The following KSR2 variants were observed in gnomAD, a reference collection of about 807,000 sequenced individuals.
KSR2 encodes kinase suppressor of ras 2.
In KSR2, 25 loss-of-function variants were observed where a neutral mutation model predicts 107.8. The observed-to-expected ratio is 0.23, with a 90% confidence interval of 0.17 to 0.32. The LOEUF is 0.32. Ranked by LOEUF, KSR2 falls within the 10% of genes least tolerant of loss-of-function variation. The probability of loss-of-function intolerance (pLI) is 1.00; values close to 1 mark genes in which losing one functional copy is unlikely to be tolerated. For missense variants in KSR2, 887 were observed against 1,268.9 expected (o/e 0.70, Z 4.57); for synonymous variants, 480 against 507.0 (o/e 0.95, Z 0.71).
At chr12:117,822,816 G>C (rs1204711840) in intron 3 of KSR2, among the ~76,000 whole-genome samples, 1 of 152,144 alleles carries the variant, frequency 6.6e-6, no homozygotes, top group African/African-American at 2.4e-5. Context: ...TTGTCTCCTG[G>C]ATGTGTATTG....
Position 117,907,640 on chromosome 12 carries a change from C to G in KSR2, c.181-47209G>C, listed in dbSNP as rs1037205339. On this transcript the variant is annotated intron_variant, in intron 1 of 19. Transcript: ENST00000339824. This position sits in a 1 kb window ranked among gnomAD's most constrained non-coding sequence, Gnocchi z 4.3. ...ATGGAAAAATCTGTAAGGAAACCAA[C>G]CACCTGTAAGAGTACAAGGCTAAAG... Among the ~76,000 whole-genome samples, 1 of 152,170 alleles carries G rather than the reference C, an allele frequency of 6.6e-6. No homozygotes were observed. The highest frequency in any genetic ancestry group is 1.5e-5 in the Non-Finnish European group (1 of 68,036).
intron 1 of KSR2, among the ~76,000 whole-genome samples, chr12:117,880,010 G>A (rs1440472306): frequency 1.3e-5 from 2 of 152,302 alleles, no homozygotes; most frequent in Non-Finnish European, 2.9e-5. Flanking sequence ...GCCAGGCATG[G>A]TGATATGTGC....
chr12:117,664,230 G>A (rs916305791), intron 5 of KSR2, among the ~76,000 whole-genome samples: 2 of 146,764 alleles, frequency 1.4e-5, no homozygotes, highest in Non-Finnish European at 3.0e-5. Flanking sequence ...GCCCACTCAA[G>A]GTGGCTGGGC....
At chr12:117,813,334 CAAATT>C (rs934355302) in intron 3 of KSR2, among the ~76,000 whole-genome samples, 1 of 152,084 alleles carries the variant, frequency 6.6e-6, no homozygotes, top group Non-Finnish European at 1.5e-5. Context: ...AATCAATCAA[CAAATT>C]AAAGAGACAA....
intron 6 of KSR2, 125 bp downstream of exon 6, chr12:117,582,165 G>A: frequency 2.7e-6 from 2 of 735,870 alleles, no homozygotes; most frequent in Non-Finnish European, 4.7e-6. Context: ...AGGAGAAAGG[G>A]ACATGGTGAT....
At chr12:117,723,865 T>C (rs1330361628) in intron 4 of KSR2, among the ~76,000 whole-genome samples, 1 of 152,188 alleles carries the variant, frequency 6.6e-6, no homozygotes, top group Non-Finnish European at 1.5e-5. Context: ...TTATTGTGTA[T>C]TTCTCACATC....
chr12:117,482,412 G>A (rs963388614), intron 16 of KSR2, among the ~76,000 whole-genome samples: 8 of 152,202 alleles, frequency 5.3e-5, no homozygotes, highest in African/African-American at 1.7e-4. Flanking sequence ...TAAGTTTTGA[G>A]ATGGTTCATT....
At chr12:117,865,383 C>T (rs1893435934) in intron 1 of KSR2, among the ~76,000 whole-genome samples, 1 of 152,076 alleles carries the variant, frequency 6.6e-6, no homozygotes, top group Non-Finnish European at 1.5e-5. Flanking sequence ...TTTTCCTCAG[C>T]CTTTTCTTCT....
chr12:117,730,481 GTCTCCCCTCTCC>G (rs1887622063), intron 4 of KSR2, among the ~76,000 whole-genome samples: 2 of 41,666 alleles, frequency 4.8e-5, no homozygotes, highest in Non-Finnish European at 1.0e-4. Context: ...CCTCTCCCTC[GTCTCCCCTCTCC>G]CTCTCCCCCT....
chr12:117,773,788 G>A (rs1336664546), intron 3 of KSR2, among the ~76,000 whole-genome samples: 1 of 152,162 alleles, frequency 6.6e-6, no homozygotes, highest in African/African-American at 2.4e-5. Context: ...TTAGACACTG[G>A]TTGAAAATAT....
rs183579436 is a variant in KSR2, at chr12:117,542,301, A to T, written c.1519-2414T>A. Among the ~76,000 whole-genome samples, 34 of 152,330 alleles carry T rather than the reference A, an allele frequency of 2.2e-4. No homozygotes were observed. The East Asian group carries it at 5.2e-3, about 23-fold the overall frequency. ...TCGTATTGAGTAGAGGTGCTTTGTC[A>T]TCAATAAATGGTAGTAGCTATTATG... On this transcript the variant is annotated intron_variant, in intron 9 of 19. Coordinates refer to ENST00000339824, the MANE Select transcript of KSR2 (RefSeq NM_173598.6).
intron 5 of KSR2, among the ~76,000 whole-genome samples, chr12:117,660,687 A>T (rs1249073559): frequency 6.6e-6 from 1 of 152,188 alleles, no homozygotes; most frequent in African/African-American, 2.4e-5. Context: ...AATCTACCTC[A>T]TTAAACAGGG....
chr12:117,651,564 G>A (rs1346212519), intron 5 of KSR2, among the ~76,000 whole-genome samples: 2 of 152,298 alleles, frequency 1.3e-5, no homozygotes, highest in Non-Finnish European at 2.9e-5. Flanking sequence ...ATTTAATGTT[G>A]CATATTGGGG....
rs570989154 is a variant in KSR2 at position 117,797,498 on chromosome 12, C to G, written c.473-35974G>C. On this transcript the variant is annotated intron_variant, in intron 3 of 19. Transcript: ENST00000339824. ...ACTGTGGGAAGGAGGGAATGAGGAG[C>G]GACTGTTTAATGGCTACGGGGTTTC... Among the ~76,000 whole-genome samples the G allele has an allele frequency of 1.1e-4, 16 of 150,316 alleles. No homozygotes were observed. In the East Asian group the frequency reaches 3.2e-3, roughly 30 times the overall value.
intron 1 of KSR2, among the ~76,000 whole-genome samples, chr12:117,894,958 G>A (rs760556403): frequency 1.3e-5 from 2 of 151,830 alleles, no homozygotes; most frequent in Admixed American, 6.6e-5. Flanking sequence ...CCCGGGCTTC[G>A]TGGAGCTATG....
chr12:117,865,666 T>G (rs1893443265), intron 1 of KSR2, among the ~76,000 whole-genome samples: 1 of 151,992 alleles, frequency 6.6e-6, no homozygotes, highest in African/African-American at 2.4e-5. Flanking sequence ...CTCAATTTCT[T>G]AAACAAAAGA....
At chr12:117,849,961 A>C (rs1892858625) in intron 3 of KSR2, among the ~76,000 whole-genome samples, 1 of 152,246 alleles carries the variant, frequency 6.6e-6, no homozygotes, top group South Asian at 2.1e-4. Context: ...ATTAAGATGA[A>C]TACAATATCA....
At chr12:117,679,154 C>T (rs1885263000) in intron 4 of KSR2, among the ~76,000 whole-genome samples, 1 of 152,152 alleles carries the variant, frequency 6.6e-6, no homozygotes, top group Non-Finnish European at 1.5e-5. Context: ...TCCATGTATC[C>T]TTAAAGGCTG....
At chr12:117,964,704 T>C (rs527738126) in intron 1 of KSR2, among the ~76,000 whole-genome samples, 1 of 152,216 alleles carries the variant, frequency 6.6e-6, no homozygotes, top group Non-Finnish European at 1.5e-5. Flanking sequence ...TCAATCCTTA[T>C]AACCATCCTC....
Sources: gnomAD v4.1 joint callset for allele counts (sites outside exome capture counted in the v4.1 genomes callset) on GRCh38, gnomAD v4.1.1 for gene constraint, Gnocchi (gnomAD v3.1) non-coding constraint, MANE v1.5 for transcripts, NCBI Gene and HGNC (gene_info 2026-07-23, HGNC 2026-07-21) for gene names.